IAH1: variants seen among roughly 807,000 people sequenced by gnomAD.
The protein encoded by IAH1 is isoamyl acetate-hydrolyzing esterase 1 homolog.
A neutral mutation model predicts 26.7 loss-of-function variants in IAH1; 24 were observed. The ratio of observed to expected loss-of-function variants is 0.90; its 90% CI spans 0.65 to 1.26. The LOEUF (loss-of-function observed/expected upper bound fraction) is 1.26. Among genes scored for constraint, IAH1 ranks in the 50% most tolerant of loss-of-function variants. IAH1 has a pLI of 0.00. For synonymous variants in IAH1, 140 were observed against 118.5 expected, an observed-to-expected ratio of 1.18 and a Z score of -1.18; for missense variants, 300 against 299.9, an observed-to-expected ratio of 1.00 and a Z score of 0.00.
chr2:9,488,273 C>CGG lies in IAH1; in HGVS notation c.693_694dup (p.Asp232GlyfsTer3). On this transcript the variant is annotated frameshift_variant, in exon 6 of 6. Coordinates refer to ENST00000497473, the MANE Select transcript of IAH1 (RefSeq NM_001039613.3). LOFTEE classifies it high-confidence loss of function. Reference sequence around the variant, plus strand: ...TCTACCTTTGCTGCTTCCTTACTGGCGGGATGTAGCAGAAGCAAAACCTGA... The same window carrying CGG: ...TCTACCTTTGCTGCTTCCTTACTGGCGGGGGATGTAGCAGAAGCAAAACCTGA... The CGG allele has an allele frequency of 6.2e-7, 1 of 1,613,158 alleles. No homozygotes were observed. The highest frequency in any genetic ancestry group is 8.5e-7 in the Non-Finnish European group (1 of 1,179,812).
At position 9,481,419 on chromosome 2, in the gene IAH1, A is replaced by T; in HGVS notation, c.417A>T (p.Thr139=). The part of the protein sequence containing the change: ...ILITPTPLCE[T]AWEEQCIIQG... ...TCACGCCGACCCCACTTTGTGAAAC[A>T]GCCTGGGAAGAACAGTGCATCATAC... Residue 139 remains threonine (T), a synonymous_variant, in exon 4 of 6, where the codon ACA becomes ACT. Transcript: ENST00000497473. 6.2e-7 allele frequency: 1 copy of T among 1,614,206 alleles called. No individual in the cohort carries two copies.
At chr2:9,480,516 A>C (rs970490694) in intron 3 of IAH1, among the ~76,000 whole-genome samples, 4 of 152,186 alleles carry the variant, frequency 2.6e-5, no homozygotes, top group African/African-American at 9.7e-5. Context: ...TTGTAGAGAA[A>C]AGCAAAATAT....
At chr2:9,498,614 G>A (rs534586448), downstream of IAH1, among the ~76,000 whole-genome samples, 19 of 152,264 alleles carry the variant, frequency 1.2e-4, 1 homozygote, top group South Asian at 3.9e-3. Context: ...CAAAAGTGAT[G>A]GTTTATTAAG....
At chr2:9,502,379 G>A in the IAH1 span, 4 of 999,466 alleles carry the variant, frequency 4.0e-6, no homozygotes, top group Admixed American at 7.8e-5. Flanking sequence ...CACCGGGGAA[G>A]ACCTCCTGGC....
downstream of IAH1, among the ~76,000 whole-genome samples, chr2:9,500,716 C>T (rs1239990365): frequency 3.9e-5 from 6 of 151,968 alleles, no homozygotes; most frequent in South Asian, 2.1e-4. Context: ...CAAAAAACAT[C>T]GCAAGGGTAA....
chr2:9,483,533 G>A (rs1661302616), intron 4 of IAH1, among the ~76,000 whole-genome samples: 1 of 152,128 alleles, frequency 6.6e-6, no homozygotes, highest in African/African-American at 2.4e-5. Flanking sequence ...GTAGAGCCTG[G>A]GCCAGCATAG....
At chr2:9,509,002 G>T in the IAH1 span, among the ~76,000 whole-genome samples, 2 of 149,198 alleles carry the variant, frequency 1.3e-5, no homozygotes, top group African/African-American at 4.9e-5. Flanking sequence ...AAAAAAAAAT[G>T]AGATGCAACA....
rs1211552146 is a variant in IAH1 at position 9,474,647 on chromosome 2, G to C, written c.81G>C (p.Gln27His). 9 of 1,547,358 alleles carry C rather than the reference G, an allele frequency of 5.8e-6. No homozygotes were observed. The highest frequency in any genetic ancestry group is 7.8e-6 in the Non-Finnish European group (9 of 1,150,568). The change falls in exon 1 of 6, where the codon CAG becomes CAC. Residue 27 changes from glutamine (Q) to histidine (H), a missense_variant and splice_region_variant. Physicochemically the swap from Gln to His is conservative, Grantham distance 24 (BLOSUM62 0). Transcript: ENST00000497473. The surrounding 1 kb of genome is among the most constrained non-coding windows in gnomAD (Gnocchi z 4.3). ...TGCTCTTCGGGGACTCCATCACCCA[G>C]GTACGGCCGCCCCGACGCTCGGCCT... Reference protein sequence around the residue: ...RLLLFGDSITQFSFQQGGWGA... With the variant: ...RLLLFGDSITHFSFQQGGWGA...
intron 3 of IAH1, among the ~76,000 whole-genome samples, chr2:9,480,291 C>G (rs1661090927): frequency 6.6e-6 from 1 of 152,054 alleles, no homozygotes; most frequent in Non-Finnish European, 1.5e-5. Context: ...GGAGGCCAGG[C>G]CAGGAGTTTG....
intron 4 of IAH1, among the ~76,000 whole-genome samples, chr2:9,482,458 C>G (rs1298898105): frequency 6.6e-6 from 1 of 152,288 alleles, no homozygotes; most frequent in Non-Finnish European, 1.5e-5. Flanking sequence ...ATTTCTGGAC[C>G]CATTTTCAGC....
intron 2 of IAH1, 54 bp from the exon 3 acceptor site, chr2:9,478,168 C>T (rs758240456): frequency 1.4e-4 from 204 of 1,508,008 alleles, no homozygotes; most frequent in Admixed American, 5.1e-4. Context: ...CCGGTTACTG[C>T]GACCATAAAC....
the IAH1 span, among the ~76,000 whole-genome samples, chr2:9,502,879 CAAAAAA>C: frequency 3.2e-4 from 14 of 43,604 alleles, no homozygotes; most frequent in Non-Finnish European, 4.8e-4. Flanking sequence ...AATTCTGTCT[CAAAAAA>C]AAAAAAAAAA....
intron 1 of IAH1, chr2:9,475,095 C>T: frequency 2.4e-6 from 3 of 1,247,568 alleles, no homozygotes; most frequent in Non-Finnish European, 3.1e-6. Flanking sequence ...CCTGCGGGCA[C>T]AGGTGGGGCC....
chr2:9,477,354 C>T (rs1263443138), intron 2 of IAH1, among the ~76,000 whole-genome samples: 1 of 152,060 alleles, frequency 6.6e-6, no homozygotes, highest in African/African-American at 2.4e-5. Context: ...ATAAGTTGAA[C>T]CCCAGGCGTC....
At position 9,474,640 on chromosome 2, in the gene IAH1, T is replaced by C; in HGVS notation, c.74T>C (p.Ile25Thr). 1 of 1,548,738 alleles carries C rather than the reference T, an allele frequency of 6.5e-7. No individual in the cohort carries two copies. The highest frequency in any genetic ancestry group is 8.7e-7 in the Non-Finnish European group (1 of 1,150,254). ...CGCTTGTTGCTCTTCGGGGACTCCATCACCCAGGTACGGCCGCCCCGACGC... is the reference window on the plus strand; with the variant it reads ...CGCTTGTTGCTCTTCGGGGACTCCACCACCCAGGTACGGCCGCCCCGACGC... Reference protein sequence around the residue: ...WPRLLLFGDSITQFSFQQGGW... With the variant: ...WPRLLLFGDSTTQFSFQQGGW... Residue 25 changes from isoleucine (I) to threonine (T), a missense_variant, in exon 1 of 6, where the codon ATC (isoleucine) becomes ACC (threonine). By Grantham distance (89) the Ile-to-Thr change is moderately conservative. Coordinates refer to ENST00000497473, the MANE Select transcript of IAH1 (RefSeq NM_001039613.3). The surrounding 1 kb of genome is among the most constrained non-coding windows in gnomAD (Gnocchi z 4.3).
chr2:9,490,939 A>G (rs1425308378), downstream of IAH1, among the ~76,000 whole-genome samples: 2 of 152,196 alleles, frequency 1.3e-5, no homozygotes, highest in African/African-American at 4.8e-5. Flanking sequence ...GAAGTTCACC[A>G]TCACTGTTGT....
At chr2:9,506,357 C>A in the IAH1 span, among the ~76,000 whole-genome samples, 1 of 126,192 alleles carries the variant, frequency 7.9e-6, no homozygotes, top group East Asian at 2.2e-4. Context: ...ATCTTCAAAT[C>A]TGTTTTTTTT....
At chr2:9,498,202 TTTC>T (rs1553358000), downstream of IAH1, among the ~76,000 whole-genome samples, 1 of 126,410 alleles carries the variant, frequency 7.9e-6, no homozygotes, top group African/African-American at 3.2e-5. Flanking sequence ...GCTAATTTTC[TTTC>T]TTTTTTTTTG....
the IAH1 span, chr2:9,505,102 C>A: frequency 3.6e-5 from 55 of 1,548,400 alleles, no homozygotes; most frequent in African/African-American, 6.4e-4. Context: ...CAAGTTCAGT[C>A]TTCTCTTATT....
Sources: allele counts gnomAD v4.1 joint callset (sites outside exome capture counted in the v4.1 genomes callset), GRCh38; gene constraint gnomAD v4.1.1; non-coding constraint Gnocchi (gnomAD v3.1); transcripts MANE v1.5; gene names NCBI Gene and HGNC (gene_info 2026-07-23, HGNC 2026-07-21).